TTC23: variants seen among roughly 807,000 people sequenced by gnomAD.
The protein encoded by TTC23 is tetratricopeptide repeat protein 23.
In TTC23, 58 loss-of-function variants were observed where a neutral mutation model predicts 55.1. The observed-to-expected ratio is 1.05, with a 90% confidence interval of 0.85 to 1.31. The LOEUF (loss-of-function observed/expected upper bound fraction) is 1.31. Ranked by LOEUF, TTC23 falls within the 50% of genes most tolerant of loss-of-function variation. TTC23 has a pLI of 0.00. For synonymous variants in TTC23, 203 were observed against 199.9 expected (o/e 1.02, Z -0.13); for missense variants, 516 against 534.4 (o/e 0.97, Z 0.34).
intron 12 of TTC23, among the ~76,000 whole-genome samples, chr15:99,149,827 G>A (rs374796527): frequency 1.6e-3 from 244 of 152,322 alleles, no homozygotes; most frequent in African/African-American, 5.6e-3. Context: ...TGGGGCACAT[G>A]GTACCAGTTC....
At chr15:99,231,798 T>A (rs1335539837) in intron 4 of TTC23, among the ~76,000 whole-genome samples, 1 of 151,706 alleles carries the variant, frequency 6.6e-6, no homozygotes, top group Non-Finnish European at 1.5e-5. Flanking sequence ...GGCCTGTTTG[T>A]TTGTTTGTTT....
At chr15:99,157,076 A>G (rs554023233) in intron 11 of TTC23, among the ~76,000 whole-genome samples, 1 of 151,468 alleles carries the variant, frequency 6.6e-6, no homozygotes, top group Non-Finnish European at 1.5e-5. Context: ...GCTCAGAGTC[A>G]GAGGGCTCAG....
chr15:99,187,308 T>C (rs1007705379), intron 9 of TTC23, among the ~76,000 whole-genome samples: 14 of 151,728 alleles, frequency 9.2e-5, no homozygotes, highest in African/African-American at 3.4e-4. Context: ...CCTCACACTG[T>C]ATATAAAAAT....
At chr15:99,243,956 TA>T (rs1202973952) in intron 2 of TTC23, among the ~76,000 whole-genome samples, 2 of 152,110 alleles carry the variant, frequency 1.3e-5, no homozygotes, top group African/African-American at 2.4e-5. Context: ...TTGTATATTT[TA>T]AAATAACTAA....
intron 5 of TTC23, among the ~76,000 whole-genome samples, chr15:99,222,651 C>A (rs1215833939): frequency 6.6e-6 from 1 of 152,224 alleles, no homozygotes; most frequent in Non-Finnish European, 1.5e-5. Flanking sequence ...GGATTCCCAG[C>A]TCCAGGTGAT....
At chr15:99,162,988 TG>T (rs1298507137) in intron 10 of TTC23, among the ~76,000 whole-genome samples, 1 of 151,160 alleles carries the variant, frequency 6.6e-6, no homozygotes, top group African/African-American at 2.4e-5. Context: ...GAGGCTGAAG[TG>T]GGAGGACTGT....
chr15:99,233,413 A>C (rs2079077615), intron 4 of TTC23, among the ~76,000 whole-genome samples: 1 of 152,198 alleles, frequency 6.6e-6, no homozygotes, highest in Non-Finnish European at 1.5e-5. Context: ...TTATACCATA[A>C]ATTTGACAAT....
intron 1 of TTC23, among the ~76,000 whole-genome samples, chr15:99,248,831 T>A (rs144742894): frequency 1.3e-5 from 2 of 152,232 alleles, no homozygotes; most frequent in Non-Finnish European, 2.9e-5. Context: ...TTTTGAAATA[T>A]GATTGCTGGA....
chr15:99,246,722 C>T (rs1386965859), intron 1 of TTC23, among the ~76,000 whole-genome samples: 1 of 151,996 alleles, frequency 6.6e-6, no homozygotes, highest in Non-Finnish European at 1.5e-5. Context: ...AGTTCGAGAC[C>T]TGCCTGGCCA....
chr15:99,239,874 G>A (rs2079626692), intron 3 of TTC23, among the ~76,000 whole-genome samples: 1 of 152,224 alleles, frequency 6.6e-6, no homozygotes, highest in African/African-American at 2.4e-5. Flanking sequence ...TTACAACCAT[G>A]TAAGGTACAG....
chr15:99,155,173 A>G (rs61110760), intron 12 of TTC23, among the ~76,000 whole-genome samples: 2,034 of 152,336 alleles, frequency 0.013, 15 homozygotes, highest in East Asian at 0.046. Flanking sequence ...CAAAAGATAT[A>G]ACAGTAGATA....
At chr15:99,248,880 C>T (rs563907914) in intron 1 of TTC23, among the ~76,000 whole-genome samples, 22 of 152,186 alleles carry the variant, frequency 1.4e-4, no homozygotes, top group African/African-American at 5.1e-4. Context: ...GATTCTGCTT[C>T]AGGTATCTGT....
intron 9 of TTC23, among the ~76,000 whole-genome samples, chr15:99,182,264 A>T (rs1173084000): frequency 2.0e-5 from 3 of 150,930 alleles, no homozygotes; most frequent in Non-Finnish European, 1.5e-5. Flanking sequence ...ACACACACAC[A>T]CACACACACA....
intron 9 of TTC23, among the ~76,000 whole-genome samples, chr15:99,181,577 T>G (rs2074119572): frequency 6.6e-6 from 1 of 152,220 alleles, no homozygotes; most frequent in Non-Finnish European, 1.5e-5. Flanking sequence ...GCTGCATAGC[T>G]TGCCTTTTCA....
At chr15:99,211,640 T>A (rs1489905980) in intron 8 of TTC23, among the ~76,000 whole-genome samples, 1 of 152,196 alleles carries the variant, frequency 6.6e-6, no homozygotes, top group Non-Finnish European at 1.5e-5. Context: ...ATTGCCCTTT[T>A]CTTTCTTGCT....
At chr15:99,205,446 G>A (rs1438496709) in intron 8 of TTC23, among the ~76,000 whole-genome samples, 1 of 151,936 alleles carries the variant, frequency 6.6e-6, no homozygotes, top group Non-Finnish European at 1.5e-5. Flanking sequence ...CTTTTTGCAT[G>A]TCCTCTTCAT....
intron 9 of TTC23, among the ~76,000 whole-genome samples, chr15:99,187,974 A>G (rs73463334): frequency 0.012 from 1,753 of 152,176 alleles, 41 homozygotes; most frequent in African/African-American, 0.04. Flanking sequence ...CATATGATTC[A>G]GCAATTCCAC....
At chr15:99,204,174 A>G (rs1053821849) in intron 8 of TTC23, among the ~76,000 whole-genome samples, 2 of 152,104 alleles carry the variant, frequency 1.3e-5, no homozygotes, top group African/African-American at 4.8e-5. Flanking sequence ...CCTTTTTGAT[A>G]GAAGGCATTT....
intron 9 of TTC23, among the ~76,000 whole-genome samples, chr15:99,189,084 G>A (rs927524692): frequency 6.6e-6 from 1 of 151,920 alleles, no homozygotes; most frequent in African/African-American, 2.4e-5. Flanking sequence ...GCCCCAAAGT[G>A]GAAACTATTT....
Sources: allele counts gnomAD v4.1 joint callset (sites outside exome capture counted in the v4.1 genomes callset), GRCh38; gene constraint gnomAD v4.1.1; transcripts MANE v1.5; gene names NCBI Gene and HGNC (gene_info 2026-07-23, HGNC 2026-07-21).